GRID1: variants seen among roughly 807,000 people sequenced by gnomAD.
The protein encoded by GRID1 is glutamate ionotropic receptor delta type subunit 1.
GRID1 carries 28 observed loss-of-function variants against 98.0 expected under a neutral mutation model. That is an observed-to-expected ratio of 0.29 (90% CI 0.21 to 0.39). The LOEUF is 0.39. Ranked by LOEUF, GRID1 falls within the 10% of genes least tolerant of loss-of-function variation. The pLI, the probability that GRID1 is intolerant of heterozygous loss-of-function variation, is 1.00. For missense variants in GRID1, 1,111 were observed against 1,340.5 expected, an observed-to-expected ratio of 0.83 and a Z score of 2.67; for synonymous variants, 553 against 538.5, an observed-to-expected ratio of 1.03 and a Z score of -0.37.
chr10:85,689,900 T>G (rs188302346), intron 12 of GRID1, among the ~76,000 whole-genome samples: 40 of 152,302 alleles, frequency 2.6e-4, no homozygotes, highest in Admixed American at 2.4e-3. Context: ...ATGTAGGAGT[T>G]TAGAAAATAA....
At chr10:86,291,509 A>G (rs916212682) in intron 2 of GRID1, among the ~76,000 whole-genome samples, 1 of 152,130 alleles carries the variant, frequency 6.6e-6, no homozygotes, top group South Asian at 2.1e-4. Flanking sequence ...GCCTCAGCCC[A>G]GGGGCACAGC....
intron 15 of GRID1, chr10:85,605,687 T>C (rs2132504640): frequency 6.6e-6 from 1 of 152,312 alleles, no homozygotes; most frequent in Middle Eastern, 3.4e-3. Flanking sequence ...GCCTGGCCTT[T>C]TTTCTCAGTC....
chr10:85,989,289 C>G (rs1294221786), intron 4 of GRID1, among the ~76,000 whole-genome samples: 1 of 152,200 alleles, frequency 6.6e-6, no homozygotes, highest in African/African-American at 2.4e-5. Flanking sequence ...GAGGGGAAGG[C>G]TTTCCCTGGT....
At chr10:85,644,865 T>C (rs1024871061) in intron 13 of GRID1, among the ~76,000 whole-genome samples, 1 of 152,224 alleles carries the variant, frequency 6.6e-6, no homozygotes, top group Non-Finnish European at 1.5e-5. Flanking sequence ...TAAAATGATA[T>C]AATCTTTATG....
At chr10:86,245,080 G>A (rs572391502) in intron 2 of GRID1, among the ~76,000 whole-genome samples, 2 of 152,216 alleles carry the variant, frequency 1.3e-5, no homozygotes, top group South Asian at 2.1e-4. Flanking sequence ...CTCCTGAGGC[G>A]ATGGCGGGGG....
intron 4 of GRID1, among the ~76,000 whole-genome samples, chr10:86,011,549 G>GA (rs989525450): frequency 6.6e-6 from 1 of 151,584 alleles, no homozygotes; most frequent in South Asian, 2.1e-4. Flanking sequence ...AAGGAAAGAG[G>GA]AAAAAAAAGT....
At chr10:85,806,164 T>A (rs1022240765) in intron 8 of GRID1, among the ~76,000 whole-genome samples, 1 of 152,016 alleles carries the variant, frequency 6.6e-6, no homozygotes, top group Non-Finnish European at 1.5e-5. Context: ...AAGATTTGAA[T>A]AGACACTTCA....
chr10:85,720,923 C>G (rs1326462808), intron 12 of GRID1, among the ~76,000 whole-genome samples: 1 of 152,082 alleles, frequency 6.6e-6, no homozygotes, highest in Non-Finnish European at 1.5e-5. Flanking sequence ...AAAAGACAAG[C>G]TATAGAGTGG....
chr10:86,010,502 T>C (rs17106142), intron 4 of GRID1, among the ~76,000 whole-genome samples: 7,701 of 152,230 alleles, frequency 0.051, 242 homozygotes, highest in South Asian at 0.15. Flanking sequence ...AAGTAAAGTT[T>C]AAATTGATTT....
chr10:85,971,675 T>G (rs1288277453), intron 4 of GRID1, among the ~76,000 whole-genome samples: 1 of 152,076 alleles, frequency 6.6e-6, no homozygotes, highest in African/African-American at 2.4e-5. Context: ...TAGCTGAAAT[T>G]AAAAAGACTA....
At chr10:85,752,335 G>A (rs1286050230) in intron 8 of GRID1, among the ~76,000 whole-genome samples, 1 of 152,156 alleles carries the variant, frequency 6.6e-6, no homozygotes, top group Non-Finnish European at 1.5e-5. Context: ...GGCCTTGGAG[G>A]TGACCTCATG....
At chr10:86,125,541 G>A (rs185514725) in intron 4 of GRID1, among the ~76,000 whole-genome samples, 1 of 152,288 alleles carries the variant, frequency 6.6e-6, no homozygotes, top group East Asian at 1.9e-4. Flanking sequence ...GAGCAATGGT[G>A]GATAAAAAGA....
intron 8 of GRID1, among the ~76,000 whole-genome samples, chr10:85,835,102 A>C (rs1246035104): frequency 6.6e-6 from 1 of 152,226 alleles, no homozygotes. Flanking sequence ...CAAAATTTTA[A>C]AAGGAAAAAT....
intron 12 of GRID1, among the ~76,000 whole-genome samples, chr10:85,697,449 A>C (rs1157301383): frequency 6.6e-6 from 1 of 152,130 alleles, no homozygotes; most frequent in Non-Finnish European, 1.5e-5. Context: ...TCTTATGCTT[A>C]CTGTTTACAT....
At position 86,236,822 on chromosome 10, in the gene GRID1, G is replaced by A. The variant is rs117128422; in HGVS notation, c.236-30174C>T. Among the ~76,000 whole-genome samples, 220 of 152,290 alleles carry A rather than the reference G, an allele frequency of 1.4e-3. 6 individuals are homozygous for A. In the East Asian group the frequency reaches 0.039, roughly 27 times the overall value. ...TGCATGGCAAATCCTGGGTGCCAGG[G>A]AAGGGCTACACGCCTGACCCAGCGA... is the stretch of plus-strand genomic sequence containing the variant. On this transcript the variant is annotated intron_variant, in intron 2 of 15. Transcript: ENST00000327946.
At chr10:86,260,844 T>G (rs1847005825) in intron 2 of GRID1, among the ~76,000 whole-genome samples, 1 of 152,260 alleles carries the variant, frequency 6.6e-6, no homozygotes, top group Admixed American at 6.5e-5. Flanking sequence ...GCTCCAGAGC[T>G]GATAAGACAG....
At chr10:86,228,200 G>T (rs573519920) in intron 2 of GRID1, among the ~76,000 whole-genome samples, 1 of 150,624 alleles carries the variant, frequency 6.6e-6, no homozygotes, top group African/African-American at 2.4e-5. Flanking sequence ...TGGATGTGTA[G>T]GTGGGTGGGT....
At chr10:86,260,833 G>A (rs1220014849) in intron 2 of GRID1, among the ~76,000 whole-genome samples, 2 of 152,188 alleles carry the variant, frequency 1.3e-5, no homozygotes, top group Non-Finnish European at 2.9e-5. Context: ...CAAGCCACTC[G>A]GCTCCAGAGC....
At chr10:85,902,261 T>C (rs1174492317) in intron 5 of GRID1, among the ~76,000 whole-genome samples, 5 of 152,166 alleles carry the variant, frequency 3.3e-5, no homozygotes, top group African/African-American at 1.2e-4. Context: ...GGGTGGGTGG[T>C]GCATACAGTG....
Sources: gnomAD v4.1 joint callset for allele counts (sites outside exome capture counted in the v4.1 genomes callset) on GRCh38, gnomAD v4.1.1 for gene constraint, MANE v1.5 for transcripts, NCBI Gene and HGNC (gene_info 2026-07-23, HGNC 2026-07-21) for gene names.